MEF2D: variants seen among roughly 807,000 people sequenced by gnomAD.
The protein encoded by MEF2D is myocyte enhancer factor 2D, also known as myocyte-specific enhancer factor 2D.
A neutral mutation model predicts 59.3 loss-of-function variants in MEF2D; 10 were observed. That is an observed-to-expected ratio of 0.17 (90% CI 0.10 to 0.29). MEF2D has a LOEUF of 0.29. Ranked by LOEUF, MEF2D falls within the 10% of genes least tolerant of loss-of-function variation. The pLI is 1.00. For synonymous variants in MEF2D, 305 were observed against 295.0 expected (o/e 1.03, Z -0.35); for missense variants, 508 against 699.4 (o/e 0.73, Z 3.09).
At chr1:156,485,577 C>G (rs1255688616) in intron 1 of MEF2D, among the ~76,000 whole-genome samples, 1 of 142,590 alleles carries the variant, frequency 7.0e-6, no homozygotes, top group Non-Finnish European at 1.5e-5. Flanking sequence ...GGGTCTTGCT[C>G]TGTTGTCCAG....
chr1:156,477,514 C>T (rs756984536), intron 6 of MEF2D, among the ~76,000 whole-genome samples: 9 of 152,200 alleles, frequency 5.9e-5, no homozygotes, highest in Non-Finnish European at 1.0e-4. Flanking sequence ...GGCTCTGCGA[C>T]GGCCAAGAGG....
chr1:156,473,097 A>G (rs1253402510), intron 9 of MEF2D, among the ~76,000 whole-genome samples: 1 of 151,454 alleles, frequency 6.6e-6, no homozygotes, highest in Non-Finnish European at 1.5e-5. Flanking sequence ...GGCTCATGGC[A>G]ACCTCTGCCT....
Position 156,477,053 on chromosome 1 carries a change from C to G in MEF2D, c.814G>C (p.Val272Leu). 6.2e-7 allele frequency: 1 copy of G among 1,613,952 alleles called. No individual in the cohort carries two copies. The highest frequency in any genetic ancestry group is 2.2e-5 in the East Asian group (1 of 44,880). Residue 272 changes from valine to leucine, a missense_variant, in exon 7 of 12, where the codon GTC (valine) becomes CTC (leucine). Physicochemically the swap from Val to Leu is conservative, Grantham distance 32. This residue lies in a region of MEF2D where 481 missense variants were observed against 584.7 expected (regional missense o/e 0.82). Coordinates refer to ENST00000348159, the MANE Select transcript of MEF2D (RefSeq NM_005920.4). ...GAPSRKPDLR[V>L]ITSQAGKGLM... Reference sequence around the variant, plus strand: ...CCCTTTCCTGCCTGGGAAGTGATGACTCGCAGGTCGGGCTTGCGGCTGGGG... The same window carrying G: ...CCCTTTCCTGCCTGGGAAGTGATGAGTCGCAGGTCGGGCTTGCGGCTGGGG...
intron 11 of MEF2D, 86 bp from the exon 12 acceptor site, chr1:156,467,742 GC>G: frequency 7.5e-7 from 1 of 1,330,700 alleles, no homozygotes; most frequent in Non-Finnish European, 1.0e-6. Context: ...TCCCCATAGG[GC>G]CAGGATTCTA....
Position 156,468,067 on chromosome 1 carries a change from G to T in MEF2D, c.1480C>A (p.Leu494Met), listed in dbSNP as rs749244477. 1 of 1,613,972 alleles carries T rather than the reference G, an allele frequency of 6.2e-7. No individual in the cohort carries two copies. The highest frequency in any genetic ancestry group is 8.5e-7 in the Non-Finnish European group (1 of 1,180,004). The change falls in exon 11 of 12, where the codon CTG becomes ATG. Residue 494 changes from leucine (L) to methionine (M), a missense_variant. Transcript: ENST00000348159. This position sits in a 1 kb window ranked among gnomAD's most constrained non-coding sequence, Gnocchi z 4.3. ...TCTGGGGCTGGGCGCAGCAGGCCCA[G>T]TGTGGGCCCGAAGTCCCCCCGTCCG... The part of the protein sequence containing the change: ...DDGRGDFGPT[L>M]GLLRPAPEPE...
In MEF2D at chr1:156,485,183, G is replaced by C. The variant is rs569669191; in HGVS notation, c.-138-1753C>G. Among the ~76,000 whole-genome samples, 10 of 152,256 alleles carry C rather than the reference G, an allele frequency of 6.6e-5. No individual in the cohort carries two copies. The East Asian group carries it at 1.9e-3, about 29-fold the overall frequency. On this transcript the variant is annotated intron_variant, in intron 1 of 11. Coordinates refer to ENST00000348159, the MANE Select transcript of MEF2D (RefSeq NM_005920.4). ...ACCCACTGCACACTACCTGGGGAGAGGTGTTTGATGACAGAGAACAACTCT... is the reference window on the plus strand; with the variant it reads ...ACCCACTGCACACTACCTGGGGAGACGTGTTTGATGACAGAGAACAACTCT...
Position 156,482,559 on chromosome 1 carries a change from T to C in MEF2D, c.136A>G (p.Ile46Val), listed in dbSNP as rs1672092550. 2 of 1,614,118 alleles carry C rather than the reference T, an allele frequency of 1.2e-6. No individual in the cohort carries two copies. Among genetic ancestry groups the C allele is most frequent in the Non-Finnish European group, 1.7e-6 (2 of 1,180,046 alleles). The change falls in exon 3 of 12, where the codon ATC becomes GTC. Residue 46 changes from isoleucine (I) to valine (V), a missense_variant. Transcript: ENST00000348159. ...AGCTTGTTGGAGTGGTTGAAGATGA[T>C]GAGTGCGATCTCGCAGTCACATAGC... ...SVLCDCEIAL[I>V]IFNHSNKLFQ...
Position 156,464,452 on chromosome 1 carries a change from G to C in MEF2D, c.*3193C>G, listed in dbSNP as rs1250720375. 6.8e-6 allele frequency: 1 copy of C among 147,952 alleles called. No individual in the cohort carries two copies. Among genetic ancestry groups the C allele is most frequent in the Non-Finnish European group, 1.5e-5 (1 of 66,824 alleles). The allele number at this position is 147,952 out of a possible 1,614,324, so 9.2% of individuals were successfully genotyped here. A position where few individuals can be genotyped will look rare whatever the true frequency, so the allele number is the denominator to read the frequency against. ...TGGTGTGTTCCACTGAGGTGGTGGG[G>C]GGGGGTGTCCTCTTGCCCACTGTCC... On this transcript the variant is annotated 3_prime_UTR_variant, in exon 12 of 12. Transcript: ENST00000348159.
At chr1:156,500,219 C>A (rs1673406572) in intron 1 of MEF2D, among the ~76,000 whole-genome samples, 1 of 152,076 alleles carries the variant, frequency 6.6e-6, no homozygotes, top group African/African-American at 2.4e-5. Flanking sequence ...ATCCGCCCGT[C>A]CCCACCCCGT....
Position 156,466,824 on chromosome 1 carries a change from T to G in MEF2D, c.*821A>C, listed in dbSNP as rs1160317599. 1 of 152,726 alleles carries G rather than the reference T, an allele frequency of 6.5e-6. No individual in the cohort carries two copies. The highest frequency in any genetic ancestry group is 1.5e-5 in the Non-Finnish European group (1 of 68,134). The allele number at this position is 152,726 out of a possible 1,614,324, so 9.5% of individuals were successfully genotyped here. On this transcript the variant is annotated 3_prime_UTR_variant, in exon 12 of 12. Coordinates refer to ENST00000348159, the MANE Select transcript of MEF2D (RefSeq NM_005920.4). ...GAGAAAAACTGGGGAAGGGAGGGGC[T>G]CAATTTGCCCCCTGCCTAGCCCTTC...
chr1:156,473,440 A>G (rs16837415), intron 9 of MEF2D, among the ~76,000 whole-genome samples: 8,339 of 152,182 alleles, frequency 0.055, 330 homozygotes, highest in Middle Eastern at 0.13. Context: ...TCCAGACTAA[A>G]CTCATCAAAG....
chr1:156,475,105 C>T lies in MEF2D; in HGVS notation c.1006+3G>A. The stretch of plus-strand genomic sequence containing the variant: ...CACATGCACATGTCACATGAACACT[C>T]ACCTGTGTTGTAGGCAGTGGGCATG... On this transcript the variant is annotated splice_donor_region_variant and intron_variant, in intron 9 of 11. Coordinates refer to ENST00000348159, the MANE Select transcript of MEF2D (RefSeq NM_005920.4). The T allele has an allele frequency of 6.2e-7, 1 of 1,614,164 alleles. No individual in the cohort carries two copies. Among genetic ancestry groups the T allele is most frequent in the Non-Finnish European group, 8.5e-7 (1 of 1,180,006 alleles).
chr1:156,484,911 G>A (rs1271306976), intron 1 of MEF2D, among the ~76,000 whole-genome samples: 1 of 152,216 alleles, frequency 6.6e-6, no homozygotes, highest in East Asian at 1.9e-4. Context: ...AATGACTTCA[G>A]GGCCCCCTCT....
At position 156,465,878 on chromosome 1, in the gene MEF2D, T is replaced by G. The variant is rs746407270; in HGVS notation, c.*1767A>C. The G allele has an allele frequency of 3.9e-5, 6 of 152,100 alleles. No homozygotes were observed. Among genetic ancestry groups the G allele is most frequent in the Non-Finnish European group, 7.4e-5 (5 of 68,024 alleles). 9.4% of individuals were successfully genotyped at this position (152,100 alleles called of 1,614,324 possible). On this transcript the variant is annotated 3_prime_UTR_variant, in exon 12 of 12. Transcript: ENST00000348159. Reference sequence around the variant, plus strand: ...CAAAGACGGTCGGCTAACACAAAACTGGGCCTTGTCTTAACTCTACTCTCC... The same window carrying G: ...CAAAGACGGTCGGCTAACACAAAACGGGGCCTTGTCTTAACTCTACTCTCC...
chr1:156,481,944 G>T (rs1307333729), intron 3 of MEF2D, among the ~76,000 whole-genome samples: 1 of 152,234 alleles, frequency 6.6e-6, no homozygotes, highest in Non-Finnish European at 1.5e-5. Context: ...CAAAGCTCAT[G>T]TCCTTCAACA....
chr1:156,484,682 C>T (rs55649945), intron 1 of MEF2D, among the ~76,000 whole-genome samples: 8,161 of 152,292 alleles, frequency 0.054, 420 homozygotes, highest in African/African-American at 0.13. Flanking sequence ...CTGTAACCCC[C>T]TCACAGCCCA....
chr1:156,470,374 G>C (rs1006183055), intron 9 of MEF2D, among the ~76,000 whole-genome samples: 1 of 149,414 alleles, frequency 6.7e-6, no homozygotes, highest in South Asian at 2.1e-4. Context: ...AGTGGAGATC[G>C]CACCACTGCA....
At chr1:156,477,316 G>A in intron 6 of MEF2D, 114 bp from the exon 7 acceptor site, 1 of 864,432 alleles carries the variant, frequency 1.2e-6, no homozygotes, top group Non-Finnish European at 1.8e-6. Flanking sequence ...GCCATGCTTA[G>A]GCTTTGAGTG....
At chr1:156,498,414 AC>A (rs1316747549) in intron 1 of MEF2D, among the ~76,000 whole-genome samples, 14 of 152,128 alleles carry the variant, frequency 9.2e-5, no homozygotes, top group Non-Finnish European at 8.8e-5. Context: ...CTTCCCTTGG[AC>A]TGGGGCTTCC....
Sources: gnomAD v4.1 joint callset for allele counts (sites outside exome capture counted in the v4.1 genomes callset) on GRCh38, gnomAD v4.1.1 for gene constraint, gnomAD v4.1.1 regional missense constraint, Gnocchi (gnomAD v3.1) non-coding constraint, MANE v1.5 for transcripts, NCBI Gene and HGNC (gene_info 2026-07-23, HGNC 2026-07-21) for gene names.